Variants in PIERCE1 observed in about 807,000 individuals in gnomAD.
The protein encoded by PIERCE1 is piercer of microtubule wall 1, also known as piercer of microtubule wall 1 protein.
the PIERCE1 span, chr9:135,499,401 C>T: frequency 1.6e-6 from 1 of 630,638 alleles, no homozygotes; most frequent in Non-Finnish European, 3.0e-6. Context: ...TGTGCTCACG[C>T]CCCGCAGCGG....
At chr9:135,498,587 G>A in the PIERCE1 span, 1 of 1,613,834 alleles carries the variant, frequency 6.2e-7, no homozygotes, top group South Asian at 1.1e-5. The surrounding 1 kb of genome is among the most constrained non-coding windows in gnomAD (Gnocchi z 4.1). Context: ...CCACTTACAG[G>A]CATCTCGTGC....
chr9:135,495,757 A>G, the PIERCE1 span: 1 of 693,960 alleles, frequency 1.4e-6, no homozygotes, highest in African/African-American at 1.8e-5. Flanking sequence ...ACCCCAGACC[A>G]TCCTAATCCA....
chr9:135,497,563 G>C, the PIERCE1 span, among the ~76,000 whole-genome samples: 2 of 152,034 alleles, frequency 1.3e-5, no homozygotes. Context: ...GGGACTACAG[G>C]TGCATGCCAC....
the PIERCE1 span, chr9:135,498,580 C>G: frequency 6.2e-7 from 1 of 1,613,882 alleles, no homozygotes; most frequent in Non-Finnish European, 8.5e-7. This position sits in a 1 kb window ranked among gnomAD's most constrained non-coding sequence, Gnocchi z 4.1. Flanking sequence ...TTGCATCCCA[C>G]TTACAGGCAT....
the PIERCE1 span, chr9:135,495,273 G>A: frequency 9.6e-3 from 6,560 of 682,176 alleles, 47 homozygotes; most frequent in Non-Finnish European, 0.014. Context: ...TCACGGCCCC[G>A]TTTGCATATT....
chr9:135,495,904 G>T, the PIERCE1 span, among the ~76,000 whole-genome samples: 4 of 152,276 alleles, frequency 2.6e-5, no homozygotes, highest in Admixed American at 2.0e-4. Flanking sequence ...GTCAGTCCTG[G>T]AGTCACCCCC....
At chr9:135,499,514 T>C in the PIERCE1 span, 2 of 791,874 alleles carry the variant, frequency 2.5e-6, no homozygotes, top group East Asian at 2.7e-5. Context: ...CCACTGCCCT[T>C]ATCCCCACTT....
At chr9:135,499,600 C>G in the PIERCE1 span, 18 of 1,426,530 alleles carry the variant, frequency 1.3e-5, no homozygotes, top group Non-Finnish European at 1.7e-5. Context: ...GATGACCACT[C>G]GATCTTCTTG....
chr9:135,496,530 A>G, the PIERCE1 span, among the ~76,000 whole-genome samples: 1 of 152,228 alleles, frequency 6.6e-6, no homozygotes, highest in Non-Finnish European at 1.5e-5. Context: ...AACAAGTGCA[A>G]AGAGAAAACT....
At chr9:135,498,729 A>G in the PIERCE1 span, 3 of 1,476,542 alleles carry the variant, frequency 2.0e-6, no homozygotes, top group East Asian at 2.3e-5. The surrounding 1 kb of genome is among the most constrained non-coding windows in gnomAD (Gnocchi z 4.1). Flanking sequence ...ACAGCCTTGT[A>G]TTTGGTTGAC....
chr9:135,497,857 GC>G, the PIERCE1 span, among the ~76,000 whole-genome samples: 5 of 152,148 alleles, frequency 3.3e-5, no homozygotes, highest in African/African-American at 1.2e-4. Flanking sequence ...AGTCACTCAC[GC>G]CACACAACTA....
At chr9:135,499,245 A>G in the PIERCE1 span, among the ~76,000 whole-genome samples, 2 of 152,240 alleles carry the variant, frequency 1.3e-5, no homozygotes, top group African/African-American at 4.8e-5. Flanking sequence ...GCCCTAGAGG[A>G]CTGTTGAGGG....
the PIERCE1 span, among the ~76,000 whole-genome samples, chr9:135,497,732 G>A: frequency 5.9e-5 from 9 of 152,256 alleles, no homozygotes; most frequent in African/African-American, 2.2e-4. Context: ...GCTGTGTCTG[G>A]TCTTTTTCAT....
the PIERCE1 span, chr9:135,495,589 T>C: frequency 6.2e-7 from 1 of 1,613,544 alleles, no homozygotes; most frequent in African/African-American, 1.3e-5. Flanking sequence ...GTTGGGAAAA[T>C]TTATTCGAAT....
chr9:135,498,632 T>A, the PIERCE1 span: 1 of 1,613,990 alleles, frequency 6.2e-7, no homozygotes, highest in Non-Finnish European at 8.5e-7. This position sits in a 1 kb window ranked among gnomAD's most constrained non-coding sequence, Gnocchi z 4.1. Context: ...GCCTGGTTAC[T>A]GGTCCTGTAC....
the PIERCE1 span, chr9:135,499,542 G>A: frequency 5.3e-6 from 5 of 942,288 alleles, no homozygotes; most frequent in Admixed American, 1.0e-4. Context: ...TGAGGCTCTA[G>A]GGAGCACGGT....
At chr9:135,498,517 A>G in the PIERCE1 span, 1 of 1,388,018 alleles carries the variant, frequency 7.2e-7, no homozygotes, top group Non-Finnish European at 1.0e-6. The surrounding 1 kb of genome is among the most constrained non-coding windows in gnomAD (Gnocchi z 4.1). Flanking sequence ...TGAGAACCCC[A>G]GGTTTTTAGC....
chr9:135,499,797 C>T, the PIERCE1 span: 4 of 1,604,230 alleles, frequency 2.5e-6, no homozygotes, highest in Non-Finnish European at 3.4e-6. Context: ...TCCGGCGGGG[C>T]CGTGGCCTTG....
the PIERCE1 span, chr9:135,499,556 C>G: frequency 1.9e-6 from 2 of 1,058,702 alleles, no homozygotes; most frequent in East Asian, 5.2e-5. Flanking sequence ...GCACGGTCGC[C>G]GCTCACTGGC....
Sources: gnomAD v4.1 joint callset for allele counts (sites outside exome capture counted in the v4.1 genomes callset) on GRCh38, gnomAD v4.1.1 for gene constraint, Gnocchi (gnomAD v3.1) non-coding constraint, MANE v1.5 for transcripts, NCBI Gene and HGNC (gene_info 2026-07-23, HGNC 2026-07-21) for gene names.